The following EIF4A1 variants were observed in gnomAD, a reference collection of about 807,000 sequenced individuals.
The protein encoded by EIF4A1 is eukaryotic initiation factor 4A-I.
Under a neutral mutation model 53.5 loss-of-function variants are expected in EIF4A1, and 11 were observed. That is an observed-to-expected ratio of 0.21 (90% confidence interval 0.13 to 0.34). EIF4A1 has a LOEUF of 0.34. Among genes scored for constraint, EIF4A1 ranks in the 10% least tolerant of loss-of-function variants. The pLI, the probability that EIF4A1 is intolerant of heterozygous loss-of-function variation, is 1.00. For missense variants in EIF4A1, 213 were observed against 530.8 expected (o/e 0.40, Z 5.88); for synonymous variants, 237 against 186.7 (o/e 1.27, Z -2.20).
intron 3 of EIF4A1, 108 bp from the exon 4 acceptor site, chr17:7,575,011 C>T: frequency 1.4e-6 from 2 of 1,449,180 alleles, no homozygotes; most frequent in East Asian, 2.3e-5. Flanking sequence ...GTTTGTGAGC[C>T]ATGAAATGCT....
chr17:7,578,029 T>C (rs750901637), intron 9 of EIF4A1, 113 bp downstream of exon 9: 1 of 1,569,096 alleles, frequency 6.4e-7, no homozygotes, highest in East Asian at 2.2e-5. Flanking sequence ...GAATCTGGCA[T>C]GCCTAAGGCC....
At position 7,576,627 on chromosome 17, in the gene EIF4A1, A is replaced by T. The variant is rs2150926450; in HGVS notation, c.449A>T (p.Glu150Val). The T allele has an allele frequency of 6.2e-7, 1 of 1,614,052 alleles. No individual in the cohort carries two copies. The highest frequency in any genetic ancestry group is 2.2e-5 in the East Asian group (1 of 44,890). Residue 150 changes from glutamate (E) to valine (V), a missense_variant, in exon 5 of 11, where the codon GAA (glutamate) becomes GTA (valine). Transcript: ENST00000293831. ...VRAEVQKLQM[E>V]APHIIVGTPG... ...GCTGAGGTGCAGAAACTGCAGATGG[A>T]AGCTCCCCACATCATCGTGGGTACC...
intron 3 of EIF4A1, 84 bp from the exon 4 acceptor site, chr17:7,575,035 G>A (rs2071382494): frequency 1.3e-6 from 2 of 1,551,186 alleles, no homozygotes; most frequent in African/African-American, 1.4e-5. Context: ...TTCATTGGTT[G>A]CTTATTGACC....
At chr17:7,575,686 A>G (rs988802708) in intron 4 of EIF4A1, 4 of 297,530 alleles carry the variant, frequency 1.3e-5, no homozygotes, top group African/African-American at 8.6e-5. Flanking sequence ...TGCAACACTG[A>G]TGTCAGAGCA....
intron 5 of EIF4A1, 66 bp downstream of exon 5, chr17:7,576,758 G>T (rs1832743803): frequency 6.4e-7 from 1 of 1,562,226 alleles, no homozygotes. Context: ...CAGTCTTTCA[G>T]CGTAAGCCAG....
At chr17:7,578,321 A>ATC (rs751200151) in intron 10 of EIF4A1, 21 bp from the exon 11 acceptor site, 4 of 1,612,792 alleles carry the variant, frequency 2.5e-6, no homozygotes, top group Non-Finnish European at 3.4e-6. Flanking sequence ...GATATTCCTC[A>ATC]TCCCCTTCCT....
chr17:7,574,055 C>T (rs2071365784), intron 1 of EIF4A1: 1 of 608,040 alleles, frequency 1.6e-6, no homozygotes, highest in Non-Finnish European at 2.9e-6. Context: ...CGGGGGTGGC[C>T]TGGCCTGAGC....
chr17:7,576,204 G>A (rs1597850037), intron 4 of EIF4A1: 1 of 224,526 alleles, frequency 4.5e-6, no homozygotes. Flanking sequence ...GCGTGATGAG[G>A]CAGTTGGTCA....
intron 2 of EIF4A1, 44 bp from the exon 3 acceptor site, chr17:7,574,502 C>G: frequency 6.2e-7 from 1 of 1,612,266 alleles, no homozygotes. Context: ...AGCTCAGCTC[C>G]ACCTTTTCCA....
intron 4 of EIF4A1, 130 bp from the exon 5 acceptor site, chr17:7,576,394 G>C (rs1370207884): frequency 6.5e-6 from 8 of 1,233,322 alleles, no homozygotes; most frequent in African/African-American, 1.5e-5. Flanking sequence ...CTGTTTCTCA[G>C]CTGAATGTGA....
intron 4 of EIF4A1, chr17:7,575,927 C>G (rs999174528): frequency 9.3e-5 from 15 of 161,622 alleles, no homozygotes; most frequent in Non-Finnish European, 2.1e-4. Flanking sequence ...AATCCCAACA[C>G]TTTGGGAGGC....
At chr17:7,575,066 T>C in intron 3 of EIF4A1, 53 bp from the exon 4 acceptor site, 1 of 1,602,990 alleles carries the variant, frequency 6.2e-7, no homozygotes. Context: ...AGGACTTGAA[T>C]ATCCCAAAGG....
chr17:7,578,582 C>G lies in EIF4A1; in HGVS notation c.*96C>G, dbSNP rs1187270034. ...GGGAAGGGAGCCAAGGGATGGACAT[C>G]TTGTCATTTTTTTTCTTTGAATAAA... On this transcript the variant is annotated 3_prime_UTR_variant, in exon 11 of 11. Transcript: ENST00000293831. 2.9e-6 allele frequency: 4 copies of G among 1,356,280 alleles called. No individual in the cohort carries two copies. Among genetic ancestry groups the G allele is most frequent in the Non-Finnish European group, 3.9e-6 (4 of 1,038,114 alleles). The allele number at this position is 1,356,280 out of a possible 1,614,324, so 84.0% of individuals were successfully genotyped here. A position where few individuals can be genotyped will look rare whatever the true frequency, so the allele number is the denominator to read the frequency against.
At chr17:7,576,971 CTG>C (rs749817284) in intron 5 of EIF4A1, 83 bp from the exon 6 acceptor site, 5 of 1,527,568 alleles carry the variant, frequency 3.3e-6, no homozygotes, top group Admixed American at 3.4e-5. Flanking sequence ...TGGCTCCTCT[CTG>C]TTTTTTATCA....
chr17:7,578,770 C>A lies in EIF4A1; in HGVS notation c.*284C>A. The A allele has an allele frequency of 4.0e-6, 1 of 248,008 alleles. No homozygotes were observed. The highest frequency in any genetic ancestry group is 7.8e-6 in the Non-Finnish European group (1 of 128,980). 15.4% of individuals were successfully genotyped at this position (248,008 alleles called of 1,614,324 possible). ...CTCCAGATCCCAGAGGCTCTCCTCA[C>A]CTCAGCTGAGCTCCTTTGAAAGTGA... On this transcript the variant is annotated 3_prime_UTR_variant, in exon 11 of 11. Coordinates refer to ENST00000293831, the MANE Select transcript of EIF4A1 (RefSeq NM_001416.4).
At chr17:7,578,126 C>T (rs749169964) in intron 9 of EIF4A1, 39 bp from the exon 10 acceptor site, 6 of 1,613,606 alleles carry the variant, frequency 3.7e-6, no homozygotes, top group Non-Finnish European at 5.1e-6. Context: ...ATAGAGTGTC[C>T]TCCGTGCACA....
intron 4 of EIF4A1, 143 bp downstream of exon 4, chr17:7,575,401 A>AT: frequency 1.6e-6 from 2 of 1,215,428 alleles, no homozygotes; most frequent in Non-Finnish European, 2.4e-6. Context: ...TGGGTTAATT[A>AT]AAAGCTATTT....
intron 2 of EIF4A1, 91 bp from the exon 3 acceptor site, chr17:7,574,455 G>T (rs1163412034): frequency 6.2e-7 from 1 of 1,601,448 alleles, no homozygotes; most frequent in East Asian, 2.2e-5. Context: ...TGAGGCTTTT[G>T]TTAGTAGGCA....
chr17:7,577,523 G>C lies in EIF4A1; in HGVS notation c.768+36G>C. ...GTGCAGGAGGCGGGCCTGGTAGTGA[G>C]TTGTTGGGTATAGCCCCTGACTGAT... On this transcript the variant is annotated intron_variant, in intron 7 of 10. Transcript: ENST00000293831. The surrounding 1 kb of genome is among the most constrained non-coding windows in gnomAD (Gnocchi z 4.7). 6.2e-7 allele frequency: 1 copy of C among 1,613,668 alleles called. No individual in the cohort carries two copies. Among genetic ancestry groups the C allele is most frequent in the Non-Finnish European group, 8.5e-7 (1 of 1,179,744 alleles).
Sources: gnomAD v4.1 joint callset for allele counts on GRCh38, gnomAD v4.1.1 for gene constraint, Gnocchi (gnomAD v3.1) non-coding constraint, MANE v1.5 for transcripts, NCBI Gene and HGNC (gene_info 2026-07-23, HGNC 2026-07-21) for gene names.